PIN4: variants seen among roughly 807,000 people sequenced by gnomAD.
PIN4 encodes peptidyl-prolyl cis-trans isomerase NIMA-interacting 4.
A neutral mutation model predicts 8.3 loss-of-function variants in PIN4; 3 were observed. The ratio of observed to expected loss-of-function variants is 0.36; its 90% CI spans 0.16 to 0.93. PIN4 has a LOEUF of 0.93. Among genes scored for constraint, PIN4 ranks in the 40% least tolerant of loss-of-function variants. The pLI is 0.44. For synonymous variants in PIN4, 18 were observed against 32.5 expected, an observed-to-expected ratio of 0.55 and a Z score of 1.52; for missense variants, 75 against 100.6, an observed-to-expected ratio of 0.75 and a Z score of 1.09.
intron 3 of PIN4, among the ~76,000 whole-genome samples, chrX:72,234,039 G>T (rs1314159846): frequency 1.8e-5 from 2 of 110,180 alleles, no homozygotes; most frequent in African/African-American, 6.6e-5. Context: ...GAACCTGGGA[G>T]GCAGAGGTTG....
At chrX:72,238,145 A>G (rs945233784) in intron 3 of PIN4, among the ~76,000 whole-genome samples, 1 of 112,188 alleles carries the variant, frequency 8.9e-6, no homozygotes, top group Non-Finnish European at 1.9e-5. Context: ...ACATTTAAAA[A>G]TGGTTAGGAT....
chrX:72,252,187 C>G (rs1230822006), intron 3 of PIN4, among the ~76,000 whole-genome samples: 1 of 110,514 alleles, frequency 9.0e-6, no homozygotes, highest in Non-Finnish European at 1.9e-5. Context: ...CTTGCTCTGT[C>G]ACCCAGGCTG....
At chrX:72,242,745 G>A (rs762347832) in intron 3 of PIN4, among the ~76,000 whole-genome samples, 1 of 112,894 alleles carries the variant, frequency 8.9e-6, no homozygotes, top group African/African-American at 3.2e-5. Flanking sequence ...GCTGGGCTCA[G>A]TGGCTCACGC....
chrX:72,243,119 C>G (rs1358985223), intron 3 of PIN4, among the ~76,000 whole-genome samples: 1 of 110,981 alleles, frequency 9.0e-6, no homozygotes, highest in Admixed American at 9.6e-5. Context: ...AGTTCAAGAC[C>G]AGCCTGGCCA....
chrX:72,191,847 C>G (rs2042735793), intron 2 of PIN4, among the ~76,000 whole-genome samples: 1 of 111,315 alleles, frequency 9.0e-6, no homozygotes, highest in Non-Finnish European at 1.9e-5. Flanking sequence ...TCATTTATCT[C>G]TACCCTCTTT....
chrX:72,224,795 C>A (rs1362267052), intron 3 of PIN4, among the ~76,000 whole-genome samples: 1 of 111,034 alleles, frequency 9.0e-6, no homozygotes, highest in African/African-American at 3.3e-5. Flanking sequence ...CCAGGTAAAT[C>A]CTATAGTATG....
At chrX:72,252,357 C>A (rs1434700718) in intron 3 of PIN4, among the ~76,000 whole-genome samples, 1 of 108,874 alleles carries the variant, frequency 9.2e-6, no homozygotes, top group Non-Finnish European at 1.9e-5. Flanking sequence ...TAGGCATGAG[C>A]CACTTAGTGC....
In PIN4 at chrX:72,204,302, A is replaced by G. The variant is rs915832072; in HGVS notation, c.312+7398A>G. Among the ~76,000 whole-genome samples the G allele has an allele frequency of 8.9e-5, 10 of 112,849 alleles. No homozygotes were observed. In the South Asian group the frequency reaches 1.4e-3, roughly 16 times the overall value. The stretch of plus-strand genomic sequence containing the variant: ...CTTTTAACGATTTTGTGCATGAAAC[A>G]AAGTTTGTGTATGTTGAACCATTTT... On this transcript the variant is annotated intron_variant, in intron 3 of 3. Transcript: ENST00000423432.
chrX:72,205,680 A>C (rs1468681436), intron 3 of PIN4: 1 of 1,211,938 alleles, frequency 8.3e-7, no homozygotes, highest in Admixed American at 2.2e-5. Context: ...CATCTTCGCC[A>C]TCTGAAACAA....
intron 3 of PIN4, among the ~76,000 whole-genome samples, chrX:72,254,342 T>A (rs1301765011): frequency 9.0e-6 from 1 of 111,654 alleles, no homozygotes; most frequent in Non-Finnish European, 1.9e-5. Context: ...TCCTGAGACC[T>A]TCCCTGACCC....
At chrX:72,208,967 T>A (rs1405276846) in intron 3 of PIN4, among the ~76,000 whole-genome samples, 1 of 111,868 alleles carries the variant, frequency 8.9e-6, no homozygotes, top group African/African-American at 3.2e-5. Flanking sequence ...ATTTTTTTTT[T>A]AATTGGCACC....
chrX:72,229,077 T>G (rs919557303), intron 3 of PIN4, among the ~76,000 whole-genome samples: 9 of 111,125 alleles, frequency 8.1e-5, no homozygotes, highest in African/African-American at 3.0e-4. Context: ...TCAAACCTAT[T>G]ACAACTCCCT....
chrX:72,198,100 T>G lies in PIN4; in HGVS notation c.*574T>G. 6.6e-6 allele frequency: 5 copies of G among 752,072 alleles called. No homozygotes were observed. Among genetic ancestry groups the G allele is most frequent in the Non-Finnish European group, 7.8e-6 (5 of 637,149 alleles). 62.0% of individuals were successfully genotyped at this position (752,072 alleles called of 1,213,427 possible). A position where few individuals can be genotyped will look rare whatever the true frequency, so the allele number is the denominator to read the frequency against. ...ATTGGAGGAAAAAAGCACTCAGTTG[T>G]TCCATGAGTTGTTTTGTACTAGACT... is the stretch of plus-strand genomic sequence containing the variant. On this transcript the variant is annotated 3_prime_UTR_variant, in exon 4 of 4. Transcript: ENST00000373669.
rs187035865 is a variant in PIN4 at position 72,183,282 on chromosome X, G to C, written c.43+1454G>C. 2.7e-5 allele frequency among the ~76,000 whole-genome samples: 3 copies of C among 111,919 alleles called. No homozygotes were observed. In the Admixed American group the frequency reaches 2.8e-4, roughly 11 times the overall value. The stretch of plus-strand genomic sequence containing the variant: ...ATCTCAGTGGAGATGTAGTCAGGAA[G>C]TGGTTGGATATTTGAGTCTAAAGTT... On this transcript the variant is annotated intron_variant, in intron 1 of 3. Transcript: ENST00000373669.
downstream of PIN4, among the ~76,000 whole-genome samples, chrX:72,201,438 A>G (rs2042789755): frequency 9.0e-6 from 1 of 110,650 alleles, no homozygotes; most frequent in Non-Finnish European, 1.9e-5. Context: ...CCAAAAATAC[A>G]AAAAATTAGC....
chrX:72,196,118 CTAAA>C (rs997839623), intron 2 of PIN4, among the ~76,000 whole-genome samples: 7 of 109,786 alleles, frequency 6.4e-5, no homozygotes, highest in Non-Finnish European at 1.1e-4. Context: ...GACTCCGTCT[CTAAA>C]TAAATAAATA....
exon 4 of PIN4, chrX:72,263,303 C>T: frequency 8.8e-6 from 1 of 113,580 alleles, no homozygotes; most frequent in Non-Finnish European, 1.9e-5. Context: ...GTTAGTGGAG[C>T]GGGGACAAGC....
chrX:72,188,433 C>A, intron 2 of PIN4, among the ~76,000 whole-genome samples: 1 of 111,312 alleles, frequency 9.0e-6, no homozygotes, highest in Non-Finnish European at 1.9e-5. Context: ...TCTCGGCTCA[C>A]TGCGACCTCC....
At chrX:72,234,604 A>G (rs765680352) in intron 3 of PIN4, among the ~76,000 whole-genome samples, 23 of 111,457 alleles carry the variant, frequency 2.1e-4, no homozygotes, top group Non-Finnish European at 4.0e-4. Context: ...TTTTTTAACA[A>G]TGAAAGAATT....
Sources: allele counts gnomAD v4.1 joint callset (sites outside exome capture counted in the v4.1 genomes callset), GRCh38; gene constraint gnomAD v4.1.1; transcripts MANE v1.5; gene names NCBI Gene and HGNC (gene_info 2026-07-23, HGNC 2026-07-21).